The following KPTN variants were observed in gnomAD, a reference collection of about 807,000 sequenced individuals.
KPTN encodes kaptin, actin binding protein.
In KPTN, 36 loss-of-function variants were observed where a neutral mutation model predicts 52.6. The observed-to-expected ratio is 0.68, with a 90% CI of 0.52 to 0.90. The LOEUF (loss-of-function observed/expected upper bound fraction) is 0.90. Ranked by LOEUF, KPTN falls within the 40% of genes least tolerant of loss-of-function variation. The pLI, the probability that KPTN is intolerant of heterozygous loss-of-function variation, is 0.00. For synonymous variants in KPTN, 271 were observed against 248.4 expected (o/e 1.09, Z -0.85); for missense variants, 529 against 576.2 (o/e 0.92, Z 0.84).
At chr19:47,484,382 A>G (rs1417268411), upstream of KPTN, 8 of 586,260 alleles carry the variant, frequency 1.4e-5, no homozygotes, top group South Asian at 1.5e-4. Context: ...TCTCCTTTCC[A>G]TTTCTGGACC....
At chr19:47,485,045 A>G (rs1054731952), upstream of KPTN, among the ~76,000 whole-genome samples, 12 of 152,038 alleles carry the variant, frequency 7.9e-5, no homozygotes, top group African/African-American at 2.9e-4. Context: ...TAATTAATAC[A>G]TTCTTCTTGC....
chr19:47,476,457 C>G, intron 11 of KPTN, 75 bp downstream of exon 11: 1 of 1,304,198 alleles, frequency 7.7e-7, no homozygotes, highest in Non-Finnish European at 1.0e-6. Context: ...TCCTCCCTCC[C>G]CCAGGAGGAG....
Position 47,480,440 on chromosome 19 carries a change from C to A in KPTN, c.600-33G>T, listed in dbSNP as rs369827403. 115 of 1,466,124 alleles carry A rather than the reference C, an allele frequency of 7.8e-5. No individual in the cohort carries two copies. In the Middle Eastern group the frequency reaches 9.4e-4, roughly 12 times the overall value. 90.8% of individuals were successfully genotyped at this position (1,466,124 alleles called of 1,614,324 possible). A position where few individuals can be genotyped will look rare whatever the true frequency, so the allele number is the denominator to read the frequency against. On this transcript the variant is annotated intron_variant, in intron 6 of 11. Coordinates refer to ENST00000338134, the MANE Select transcript of KPTN (RefSeq NM_007059.4). The stretch of plus-strand genomic sequence containing the variant: ...GCGGGTGGATGGACAGGACGGACGG[C>A]CATTGCTGGGCCCAGCCCCGCCCCT...
chr19:47,476,550 C>A lies in KPTN; in HGVS notation c.1164G>T (p.Lys388Asn). The change falls in exon 11 of 12, where the codon AAG becomes AAT. Residue 388 changes from lysine (K) to asparagine (N), a missense_variant. By Grantham distance (94) the Lys-to-Asn change is moderately conservative. Transcript: ENST00000338134. Reference sequence around the variant, plus strand: ...GGGATACCTGCAGGATGTGCACGCCCTTCAGGGAGACCACGGCAAGCTCCT... The same window carrying A: ...GGGATACCTGCAGGATGTGCACGCCATTCAGGGAGACCACGGCAAGCTCCT... ...GLQELAVVSL[K>N]GVHILQHSLI... The A allele has an allele frequency of 6.2e-7, 1 of 1,609,952 alleles. No individual in the cohort carries two copies. The highest frequency in any genetic ancestry group is 8.5e-7 in the Non-Finnish European group (1 of 1,179,174).
intron 4 of KPTN, among the ~76,000 whole-genome samples, chr19:47,482,075 A>G (rs544489170): frequency 7.2e-4 from 109 of 152,330 alleles, no homozygotes; most frequent in African/African-American, 2.5e-3. Context: ...AGAATCTGGG[A>G]ATTCTAGATG....
In KPTN at chr19:47,480,293, C is replaced by T; in HGVS notation, c.709+5G>A. On this transcript the variant is annotated splice_donor_5th_base_variant and intron_variant, in intron 7 of 11. Coordinates refer to ENST00000338134, the MANE Select transcript of KPTN (RefSeq NM_007059.4). ...CCCCTTACCCCGCCTCACCGCGGCCCTCACCTCGACTCCGCTGGTCCACGT... is the reference window on the plus strand; with the variant it reads ...CCCCTTACCCCGCCTCACCGCGGCCTTCACCTCGACTCCGCTGGTCCACGT... 1 of 1,544,858 alleles carries T rather than the reference C, an allele frequency of 6.5e-7. No individual in the cohort carries two copies. The highest frequency in any genetic ancestry group is 8.8e-7 in the Non-Finnish European group (1 of 1,142,664).
chr19:47,480,237 C>G, intron 7 of KPTN, 61 bp downstream of exon 7: 1 of 969,220 alleles, frequency 1.0e-6, no homozygotes. Context: ...CTCAGCCCCA[C>G]CCTGGCCCCG....
chr19:47,475,500 T>TCGAAGC lies in KPTN; in HGVS notation c.1221_1226dup (p.Leu408_Arg409dup). Reference sequence around the variant, plus strand: ...GACGTCTCCTCTGCTCCACTTGATGTCGAAGCCGGGTCAAGACCAGCTCTG... The same window carrying TCGAAGC: ...GACGTCTCCTCTGCTCCACTTGATGTCGAAGCCGAAGCCGGGTCAAGACCAGCTCTG... On this transcript the variant is annotated inframe_insertion, in exon 12 of 12. Transcript: ENST00000338134. The TCGAAGC allele has an allele frequency of 6.2e-7, 1 of 1,613,434 alleles. No homozygotes were observed. The highest frequency in any genetic ancestry group is 8.5e-7 in the Non-Finnish European group (1 of 1,179,482).
chr19:47,484,104 G>C lies in KPTN; in HGVS notation c.57C>G (p.Phe19Leu), dbSNP rs1967991718. Residue 19 changes from phenylalanine to leucine, a missense_variant, in exon 1 of 12, where the codon TTC (phenylalanine) becomes TTG (leucine). Coordinates refer to ENST00000338134, the MANE Select transcript of KPTN (RefSeq NM_007059.4). Reference protein sequence around the residue: ...AGPCPLREDSFTRFSSQSNVY... With the variant: ...AGPCPLREDSLTRFSSQSNVY... The stretch of plus-strand genomic sequence containing the variant: ...CATTGCTCTGCGACGAGAAGCGCGT[G>C]AAGCTGTCCTCGCGCAACGGACAAG... The C allele has an allele frequency of 2.5e-6, 4 of 1,605,052 alleles. No homozygotes were observed. The highest frequency in any genetic ancestry group is 3.4e-6 in the Non-Finnish European group (4 of 1,179,680).
At position 47,475,389 on chromosome 19, in the gene KPTN, GT is replaced by G. The variant is rs772243006; in HGVS notation, c.*26del. 151 of 1,608,456 alleles carry G rather than the reference GT, an allele frequency of 9.4e-5. No individual in the cohort carries two copies. The highest frequency in any genetic ancestry group is 1.1e-4 in the Non-Finnish European group (135 of 1,176,618). On this transcript the variant is annotated 3_prime_UTR_variant, in exon 12 of 12. Coordinates refer to ENST00000338134, the MANE Select transcript of KPTN (RefSeq NM_007059.4). Reference sequence around the variant, plus strand: ...GTGAGCACGCCATGAGTCGCCCCAGGTCTGGGAAGAGTGGGTGCATGGGTGC... The same window carrying G: ...GTGAGCACGCCATGAGTCGCCCCAGGCTGGGAAGAGTGGGTGCATGGGTGC...
At position 47,480,756 on chromosome 19, in the gene KPTN, C is replaced by T; in HGVS notation, c.599+4G>A. ...CCAGTGGCCTCTTTCGGGGCCTCTC[C>T]TACCTACTGGTCAGGTTCGTCAGCT... On this transcript the variant is annotated splice_donor_region_variant and intron_variant, in intron 6 of 11. Coordinates refer to ENST00000338134, the MANE Select transcript of KPTN (RefSeq NM_007059.4). 1 of 1,613,986 alleles carries T rather than the reference C, an allele frequency of 6.2e-7. No homozygotes were observed. The highest frequency in any genetic ancestry group is 1.7e-4 in the Middle Eastern group (1 of 6,052).
chr19:47,483,847 C>T, intron 1 of KPTN, 88 bp downstream of exon 1: 2 of 1,551,930 alleles, frequency 1.3e-6, no homozygotes, highest in South Asian at 2.3e-5. Flanking sequence ...ATTCTTCCAG[C>T]ACGGTGACCC....
Position 47,476,900 on chromosome 19 carries a change from A to AG in KPTN, c.901dup (p.Leu301ProfsTer5). On this transcript the variant is annotated frameshift_variant, in exon 10 of 12. Coordinates refer to ENST00000338134, the MANE Select transcript of KPTN (RefSeq NM_007059.4). LOFTEE classifies it high-confidence loss of function. ...GCTGTCAAACTGGTCACTGCCGGGC[A>AG]GGAGAAGCTGGTCTTCAAGACCCCG... 1 of 1,560,372 alleles carries AG rather than the reference A, an allele frequency of 6.4e-7. No homozygotes were observed. Among genetic ancestry groups the AG allele is most frequent in the Non-Finnish European group, 8.7e-7 (1 of 1,151,600 alleles).
At chr19:47,483,892 C>T in intron 1 of KPTN, 43 bp downstream of exon 1, 1 of 1,609,430 alleles carries the variant, frequency 6.2e-7, no homozygotes, top group Non-Finnish European at 8.5e-7. Flanking sequence ...TTCTCAACAC[C>T]ACGTTCCAGG....
intron 8 of KPTN, among the ~76,000 whole-genome samples, chr19:47,479,439 G>A (rs1220112312): frequency 1.3e-5 from 2 of 152,198 alleles, no homozygotes; most frequent in African/African-American, 2.4e-5. Flanking sequence ...TGGGACAGCG[G>A]TGAGTCCAGG....
chr19:47,485,768 G>A (rs944250206), upstream of KPTN, among the ~76,000 whole-genome samples: 4 of 152,258 alleles, frequency 2.6e-5, no homozygotes, highest in African/African-American at 4.8e-5. Flanking sequence ...ATTTCTGGAT[G>A]TGGAGAGTAG....
chr19:47,475,541 T>C lies in KPTN; in HGVS notation c.1186A>G (p.Ser396Gly). Residue 396 changes from serine (S) to glycine (G), a missense_variant, in exon 12 of 12, where the codon AGC (serine) becomes GGC (glycine). Ser to Gly is a moderately conservative substitution (Grantham distance 56). Coordinates refer to ENST00000338134, the MANE Select transcript of KPTN (RefSeq NM_007059.4). ...ACCAGCTCTGAGGCCTGAATCAGGC[T>C]GTGCTGTGGGGAACAAGAGAATGAG... ...SLKGVHILQH[S>G]LIQASELVLT... 2 of 1,612,368 alleles carry C rather than the reference T, an allele frequency of 1.2e-6. No individual in the cohort carries two copies. The highest frequency in any genetic ancestry group is 1.7e-6 in the Non-Finnish European group (2 of 1,178,694).
chr19:47,485,697 T>C (rs1460204845), upstream of KPTN, among the ~76,000 whole-genome samples: 1 of 152,274 alleles, frequency 6.6e-6, no homozygotes, highest in African/African-American at 2.4e-5. Flanking sequence ...TCTTACATGA[T>C]GGAAAGTTCT....
chr19:47,477,037 A>G, intron 9 of KPTN, 99 bp from the exon 10 acceptor site: 1 of 1,238,034 alleles, frequency 8.1e-7, no homozygotes. Flanking sequence ...TTCCCTTCTC[A>G]GGCCTAGACA....
Sources: allele counts gnomAD v4.1 joint callset (sites outside exome capture counted in the v4.1 genomes callset), GRCh38; gene constraint gnomAD v4.1.1; transcripts MANE v1.5; gene names NCBI Gene and HGNC (gene_info 2026-07-23, HGNC 2026-07-21).